Variants in HSF5 observed in about 807,000 individuals in gnomAD.
HSF5 encodes heat shock transcription factor 5.
HSF5 carries 5 observed loss-of-function variants against 50.8 expected under a neutral mutation model. The observed-to-expected ratio is 0.10, with a 90% confidence interval of 0.05 to 0.21. The LOEUF (loss-of-function observed/expected upper bound fraction) is 0.21, where lower values mean the gene tolerates loss of function less well. Ranked by LOEUF, HSF5 falls within the 10% of genes least tolerant of loss-of-function variation. HSF5 has a pLI of 1.00. For missense variants in HSF5, 564 were observed against 762.6 expected, an observed-to-expected ratio of 0.74 and a Z score of 3.07; for synonymous variants, 307 against 307.4, an observed-to-expected ratio of 1.00 and a Z score of 0.02.
chr17:58,460,677 T>C (rs1241329202), intron 4 of HSF5, among the ~76,000 whole-genome samples: 2 of 150,080 alleles, frequency 1.3e-5, no homozygotes, highest in African/African-American at 2.4e-5. Context: ...GCCCGGCTAA[T>C]TTTTTGTATT....
intron 2 of HSF5, among the ~76,000 whole-genome samples, chr17:58,470,073 A>G (rs1296037179): frequency 1.3e-5 from 2 of 152,236 alleles, no homozygotes; most frequent in Admixed American, 1.3e-4. Flanking sequence ...AAGAAAAAGC[A>G]TTATAATAGT....
At chr17:58,441,527 A>T (rs1245938214) in intron 5 of HSF5, among the ~76,000 whole-genome samples, 3 of 152,212 alleles carry the variant, frequency 2.0e-5, no homozygotes, top group Non-Finnish European at 4.4e-5. Context: ...AGTAGAAATC[A>T]ATGAAATAGA....
intron 2 of HSF5, among the ~76,000 whole-genome samples, chr17:58,473,608 CT>C (rs1974975902): frequency 6.6e-6 from 1 of 151,832 alleles, no homozygotes; most frequent in African/African-American, 2.4e-5. Context: ...AAAATCTTGC[CT>C]TTGAAGAAGT....
rs554015148 is a variant in HSF5, at chr17:58,476,235, C to CTCTTCATCATCATCATCTTCTTCTCCT, written c.925+3631_925+3657dup. On this transcript the variant is annotated intron_variant, in intron 2 of 5. Transcript: ENST00000323777. ...AATCAATATCTTCTAATCCTTCCTT[C>CTCTTCATCATCATCATCTTCTTCTCCT]TCTTCATCATCATCATCTTCTTCTC... is the stretch of plus-strand genomic sequence containing the variant. 1,988 of 913,652 alleles carry CTCTTCATCATCATCATCTTCTTCTCCT rather than the reference C, an allele frequency of 2.2e-3. 29 individuals are homozygous for CTCTTCATCATCATCATCTTCTTCTCCT. In the African/African-American group the frequency reaches 0.026, roughly 12 times the overall value. 56.6% of individuals were successfully genotyped at this position (913,652 alleles called of 1,614,324 possible).
At chr17:58,483,625 A>G (rs1975129718) in intron 1 of HSF5, among the ~76,000 whole-genome samples, 1 of 152,256 alleles carries the variant, frequency 6.6e-6, no homozygotes, top group Admixed American at 6.5e-5. Flanking sequence ...GCCTCTTGAG[A>G]GCATGGTATC....
intron 1 of HSF5, among the ~76,000 whole-genome samples, chr17:58,484,604 T>C (rs947367704): frequency 1.2e-4 from 18 of 150,608 alleles, no homozygotes; most frequent in African/African-American, 4.4e-4. Context: ...AAAAAAAAAA[T>C]CCATGTCAGA....
intron 5 of HSF5, among the ~76,000 whole-genome samples, chr17:58,445,817 T>A (rs1015527903): frequency 6.6e-6 from 1 of 152,136 alleles, no homozygotes; most frequent in Non-Finnish European, 1.5e-5. Context: ...AATGTGAATA[T>A]ACTACTGAAC....
chr17:58,456,593 G>A (rs1024168176), intron 5 of HSF5, among the ~76,000 whole-genome samples: 6 of 152,076 alleles, frequency 3.9e-5, no homozygotes, highest in Admixed American at 3.3e-4. Context: ...TAAATGTTTA[G>A]AGTGATGGAT....
At chr17:58,446,006 C>T (rs181648784) in intron 5 of HSF5, among the ~76,000 whole-genome samples, 1 of 152,080 alleles carries the variant, frequency 6.6e-6, no homozygotes, top group East Asian at 1.9e-4. Flanking sequence ...GGTATGGTGG[C>T]AGGCGCCTGT....
intron 3 of HSF5, among the ~76,000 whole-genome samples, chr17:58,466,030 G>A (rs907973998): frequency 6.6e-6 from 1 of 151,986 alleles, no homozygotes; most frequent in Non-Finnish European, 1.5e-5. Flanking sequence ...TAAAAATATT[G>A]CATGAAATTA....
intron 5 of HSF5, among the ~76,000 whole-genome samples, chr17:58,446,239 A>T (rs538813043): frequency 6.6e-6 from 1 of 152,142 alleles, no homozygotes; most frequent in East Asian, 1.9e-4. Context: ...TCAACTATCC[A>T]TTCAAGAAAA....
chr17:58,450,338 CAAAAAAA>C (rs758990551), intron 5 of HSF5, among the ~76,000 whole-genome samples: 44 of 51,964 alleles, frequency 8.5e-4, no homozygotes, highest in Middle Eastern at 0.022. Context: ...GACTTTGTCT[CAAAAAAA>C]AAAAAAAAAA....
rs117187679 is a variant in HSF5, at chr17:58,483,015, A to G, written c.551-2748T>C. On this transcript the variant is annotated intron_variant, in intron 1 of 5. Coordinates refer to ENST00000323777, the MANE Select transcript of HSF5 (RefSeq NM_001080439.3). ...CAATTCCGCAGGTACATACACCTTG[A>G]ACCCACCACTGACACCCCCTCCTTT... Among the ~76,000 whole-genome samples, 96 of 151,762 alleles carry G rather than the reference A, an allele frequency of 6.3e-4. 3 individuals carry two copies. In the East Asian group the frequency reaches 0.018, roughly 28 times the overall value.
At chr17:58,469,305 TA>T (rs1428274440) in intron 2 of HSF5, among the ~76,000 whole-genome samples, 2 of 152,156 alleles carry the variant, frequency 1.3e-5, no homozygotes, top group Non-Finnish European at 2.9e-5. Flanking sequence ...TGAATAGGTG[TA>T]AAAATGTACT....
intron 4 of HSF5, among the ~76,000 whole-genome samples, chr17:58,460,476 T>C (rs185705429): frequency 0.025 from 2,828 of 114,754 alleles, 48 homozygotes; most frequent in East Asian, 0.072. Flanking sequence ...TATACATATA[T>C]ATACACACAC....
intron 5 of HSF5, among the ~76,000 whole-genome samples, chr17:58,426,980 G>C (rs560560074): frequency 6.6e-6 from 1 of 152,074 alleles, no homozygotes; most frequent in African/African-American, 2.4e-5. Context: ...GGCCAGGTGC[G>C]GTGGCTCACA....
intron 5 of HSF5, 77 bp downstream of exon 5, chr17:58,458,691 C>A: frequency 6.6e-6 from 8 of 1,208,968 alleles, no homozygotes; most frequent in South Asian, 3.3e-5. Flanking sequence ...AAATGGAGAC[C>A]CAGAAAAAAT....
At chr17:58,456,139 G>GTATA (rs1209600462) in intron 5 of HSF5, among the ~76,000 whole-genome samples, 11 of 141,118 alleles carry the variant, frequency 7.8e-5, no homozygotes, top group African/African-American at 2.9e-4. Context: ...ATGTGTGTGT[G>GTATA]TATATATATA....
chr17:58,460,054 G>A (rs749270252), intron 4 of HSF5, among the ~76,000 whole-genome samples: 10 of 152,128 alleles, frequency 6.6e-5, no homozygotes, highest in Non-Finnish European at 1.3e-4. Context: ...GTCTCATTCT[G>A]TTGCCCAGGC....
Sources: allele counts gnomAD v4.1 joint callset (sites outside exome capture counted in the v4.1 genomes callset), GRCh38; gene constraint gnomAD v4.1.1; transcripts MANE v1.5; gene names NCBI Gene and HGNC (gene_info 2026-07-23, HGNC 2026-07-21).